Variants in BCL2 observed in about 807,000 individuals in gnomAD.
BCL2 encodes the protein apoptosis regulator Bcl-2.
In BCL2, 1 loss-of-function variant was observed where a neutral mutation model predicts 14.2. The observed-to-expected ratio is 0.07, with a 90% CI of 0.02 to 0.33. BCL2 has a LOEUF of 0.33. Among genes scored for constraint, BCL2 ranks in the 10% least tolerant of loss-of-function variants. The probability of loss-of-function intolerance (pLI) is 0.99; values close to 1 mark genes in which losing one functional copy is unlikely to be tolerated. For synonymous variants in BCL2, 151 were observed against 137.2 expected (o/e 1.10, Z -0.70); for missense variants, 247 against 305.9 (o/e 0.81, Z 1.44).
intron 2 of BCL2, among the ~76,000 whole-genome samples, chr18:63,281,334 C>T (rs763345510): frequency 3.3e-5 from 5 of 152,070 alleles, no homozygotes; most frequent in South Asian, 2.1e-4. Context: ...TTTTATGTTA[C>T]ATACATTTTA....
chr18:63,136,135 T>G (rs1914201662), intron 2 of BCL2, among the ~76,000 whole-genome samples: 1 of 152,226 alleles, frequency 6.6e-6, no homozygotes, highest in South Asian at 2.1e-4. Flanking sequence ...ATGCTGCCCA[T>G]CAGGCTTCTG....
chr18:63,292,620 G>A (rs944177811), intron 2 of BCL2, among the ~76,000 whole-genome samples: 2 of 152,186 alleles, frequency 1.3e-5, no homozygotes, highest in African/African-American at 2.4e-5. Flanking sequence ...CAAATAAACC[G>A]TCGTTGAAGA....
At chr18:63,300,613 G>A (rs1387399943) in intron 2 of BCL2, among the ~76,000 whole-genome samples, 1 of 152,018 alleles carries the variant, frequency 6.6e-6, no homozygotes, top group African/African-American at 2.4e-5. Flanking sequence ...TAACCATTTG[G>A]AATGGAGATA....
intron 2 of BCL2, among the ~76,000 whole-genome samples, chr18:63,179,433 A>G (rs139182959): frequency 2.0e-5 from 3 of 152,266 alleles, no homozygotes; most frequent in South Asian, 4.2e-4. Flanking sequence ...TGGGGCTCTC[A>G]TCTCATCCCA....
chr18:63,163,643 T>C (rs1259534024), intron 2 of BCL2, among the ~76,000 whole-genome samples: 2 of 152,212 alleles, frequency 1.3e-5, no homozygotes, highest in African/African-American at 4.8e-5. Flanking sequence ...ATGTATTGGA[T>C]ATTCAGTAAA....
chr18:63,214,205 C>G (rs561902711), intron 2 of BCL2, among the ~76,000 whole-genome samples: 2 of 152,330 alleles, frequency 1.3e-5, no homozygotes, highest in East Asian at 3.9e-4. Context: ...GAAGTGCCAG[C>G]AGACACCAGC....
chr18:63,160,075 C>G (rs983961516), intron 2 of BCL2, among the ~76,000 whole-genome samples: 1 of 152,166 alleles, frequency 6.6e-6, no homozygotes, highest in African/African-American at 2.4e-5. Context: ...AACTCACTCC[C>G]CTATCAAGAT....
chr18:63,276,473 C>G (rs8089331), intron 2 of BCL2, among the ~76,000 whole-genome samples: 48,992 of 152,002 alleles, frequency 0.32, 8,443 homozygotes, highest in Middle Eastern at 0.42. Flanking sequence ...TGGTCTAGCA[C>G]AAGCCACAAA....
chr18:63,217,927 G>T (rs1034245809), intron 2 of BCL2, among the ~76,000 whole-genome samples: 1 of 152,136 alleles, frequency 6.6e-6, no homozygotes, highest in Non-Finnish European at 1.5e-5. Flanking sequence ...GTACTACGAA[G>T]ATGTGAAATT....
Position 63,128,505 on chromosome 18 carries a change from T to G in BCL2, c.*120A>C, listed in dbSNP as rs1913975125. Reference sequence around the variant, plus strand: ...TGTCTGTGTGTGTGATGTTTATATGTGTGTTATTTTTTCTTAAACAGCCTG... The same window carrying G: ...TGTCTGTGTGTGTGATGTTTATATGGGTGTTATTTTTTCTTAAACAGCCTG... On this transcript the variant is annotated 3_prime_UTR_variant, in exon 3 of 3. Transcript: ENST00000333681. 3.1e-6 allele frequency: 2 copies of G among 653,440 alleles called. No individual in the cohort carries two copies. The highest frequency in any genetic ancestry group is 3.8e-5 in the South Asian group (2 of 52,904). The allele number at this position is 653,440 out of a possible 1,614,324, so 40.5% of individuals were successfully genotyped here. A position where few individuals can be genotyped will look rare whatever the true frequency, so the allele number is the denominator to read the frequency against.
At chr18:63,289,488 C>T (rs1912580729) in intron 2 of BCL2, among the ~76,000 whole-genome samples, 1 of 151,898 alleles carries the variant, frequency 6.6e-6, no homozygotes, top group Admixed American at 6.6e-5. Context: ...AGCAATCTTG[C>T]TAAGGAGTAG....
At chr18:63,178,064 G>A (rs1369259500) in intron 2 of BCL2, among the ~76,000 whole-genome samples, 2 of 152,204 alleles carry the variant, frequency 1.3e-5, no homozygotes, top group African/African-American at 2.4e-5. Flanking sequence ...TGTTTCAGGC[G>A]TGAGCCAAGT....
At chr18:63,182,168 T>C (rs768115196) in intron 2 of BCL2, among the ~76,000 whole-genome samples, 3 of 152,208 alleles carry the variant, frequency 2.0e-5, no homozygotes, top group Non-Finnish European at 4.4e-5. Context: ...TTAGGGAGTG[T>C]GGCAGAATTG....
intron 2 of BCL2, among the ~76,000 whole-genome samples, chr18:63,222,951 A>T (rs1910441765): frequency 6.6e-6 from 1 of 152,256 alleles, no homozygotes; most frequent in Non-Finnish European, 1.5e-5. Flanking sequence ...GACGGAAAGC[A>T]GATGGAGAAG....
chr18:63,301,145 A>G (rs1011002359), intron 2 of BCL2, among the ~76,000 whole-genome samples: 3 of 152,268 alleles, frequency 2.0e-5, no homozygotes, highest in African/African-American at 7.2e-5. Flanking sequence ...CACTTATGGG[A>G]AGAATCAAAT....
rs1228783863 is a variant in BCL2, at chr18:63,318,914, A to G, written c.-248T>C. 2.1e-6 allele frequency: 3 copies of G among 1,403,418 alleles called. No homozygotes were observed. Among genetic ancestry groups the G allele is most frequent in the Non-Finnish European group, 2.8e-6 (3 of 1,074,708 alleles). The allele number at this position is 1,403,418 out of a possible 1,614,324, so 86.9% of individuals were successfully genotyped here. On this transcript the variant is annotated 5_prime_UTR_variant, in exon 2 of 3. Coordinates refer to ENST00000333681, the MANE Select transcript of BCL2 (RefSeq NM_000633.3). The surrounding 1 kb of genome is among the most constrained non-coding windows in gnomAD (Gnocchi z 7.4). ...TTATTTCATGAGGCACGTTATTATT[A>G]GTAAGTATTGTTAATATCAGTCTAC...
intron 2 of BCL2, among the ~76,000 whole-genome samples, chr18:63,229,379 T>A (rs1910631077): frequency 6.6e-6 from 1 of 152,166 alleles, no homozygotes; most frequent in East Asian, 1.9e-4. Context: ...TAGAATGAAG[T>A]CCTCTGTTAT....
intron 2 of BCL2, among the ~76,000 whole-genome samples, chr18:63,193,454 G>C (rs923331241): frequency 6.6e-6 from 1 of 152,056 alleles, no homozygotes; most frequent in Non-Finnish European, 1.5e-5. Context: ...GGCTACTGTA[G>C]ATGCTCATAT....
chr18:63,310,420 C>T (rs1437051813), intron 2 of BCL2, among the ~76,000 whole-genome samples: 1 of 152,194 alleles, frequency 6.6e-6, no homozygotes, highest in African/African-American at 2.4e-5. Flanking sequence ...GTATCGCCTG[C>T]CTGTTCTCTA....
Sources: gnomAD v4.1 joint callset for allele counts (sites outside exome capture counted in the v4.1 genomes callset) on GRCh38, gnomAD v4.1.1 for gene constraint, Gnocchi (gnomAD v3.1) non-coding constraint, MANE v1.5 for transcripts, NCBI Gene and HGNC (gene_info 2026-07-23, HGNC 2026-07-21) for gene names.